Variants in PDGFD observed in about 807,000 individuals in gnomAD.
PDGFD encodes platelet-derived growth factor D.
In PDGFD, 30 loss-of-function variants were observed where a neutral mutation model predicts 44.7. The ratio of observed to expected loss-of-function variants is 0.67; its 90% CI spans 0.50 to 0.91. The LOEUF is 0.91. Among genes scored for constraint, PDGFD ranks in the 40% least tolerant of loss-of-function variants. The probability of loss-of-function intolerance (pLI) is 0.00; values close to 1 mark genes in which losing one functional copy is unlikely to be tolerated. For missense variants in PDGFD, 445 were observed against 457.8 expected (o/e 0.97, Z 0.25); for synonymous variants, 173 against 168.4 (o/e 1.03, Z -0.21).
chr11:104,079,935 A>G (rs1861020008), intron 1 of PDGFD, among the ~76,000 whole-genome samples: 1 of 152,252 alleles, frequency 6.6e-6, no homozygotes, highest in African/African-American at 2.4e-5. Context: ...ATAAATTTAT[A>G]CGTTTTGTAC....
intron 1 of PDGFD, among the ~76,000 whole-genome samples, chr11:104,050,439 G>A (rs778344021): frequency 2.9e-4 from 44 of 152,276 alleles, no homozygotes; most frequent in East Asian, 1.9e-3. Flanking sequence ...CCGAGGGCCC[G>A]CTTGAGATTC....
chr11:104,155,357 C>T (rs1009197396), intron 1 of PDGFD, among the ~76,000 whole-genome samples: 4 of 152,020 alleles, frequency 2.6e-5, no homozygotes, highest in East Asian at 3.9e-4. Context: ...CGGCAATATA[C>T]GGAGACAGAT....
At chr11:104,158,761 G>A (rs1027932883) in intron 1 of PDGFD, among the ~76,000 whole-genome samples, 2 of 151,502 alleles carry the variant, frequency 1.3e-5, no homozygotes, top group African/African-American at 4.9e-5. Context: ...TGAACCGGGA[G>A]GTGGAGCTTT....
chr11:104,159,250 G>T (rs1862355302), intron 1 of PDGFD, among the ~76,000 whole-genome samples: 1 of 151,434 alleles, frequency 6.6e-6, no homozygotes, highest in Admixed American at 6.6e-5. Flanking sequence ...AGAGAGCCTT[G>T]AAAGAGGCTA....
At chr11:104,016,208 G>T (rs909771708) in intron 1 of PDGFD, among the ~76,000 whole-genome samples, 1 of 152,134 alleles carries the variant, frequency 6.6e-6, no homozygotes, top group African/African-American at 2.4e-5. Context: ...GATACTTTCA[G>T]GTTTGATTAA....
intron 1 of PDGFD, among the ~76,000 whole-genome samples, chr11:104,030,295 T>C (rs76372799): frequency 0.033 from 4,962 of 152,270 alleles, 294 homozygotes; most frequent in African/African-American, 0.11. Context: ...ATAAATAATT[T>C]TGGAGATCCC....
chr11:104,016,116 T>A (rs1377713680), intron 1 of PDGFD, among the ~76,000 whole-genome samples: 1 of 152,204 alleles, frequency 6.6e-6, no homozygotes, highest in African/African-American at 2.4e-5. Flanking sequence ...TAATTTTGGC[T>A]GCAAATTTTA....
intron 1 of PDGFD, among the ~76,000 whole-genome samples, chr11:104,085,775 T>C (rs1024920254): frequency 2.0e-5 from 3 of 152,158 alleles, no homozygotes; most frequent in African/African-American, 7.2e-5. Context: ...CTGCATTCAA[T>C]GTGTTGGGAT....
intron 3 of PDGFD, among the ~76,000 whole-genome samples, chr11:103,969,620 T>C (rs1859074544): frequency 6.6e-6 from 1 of 151,844 alleles, no homozygotes; most frequent in South Asian, 2.1e-4. Flanking sequence ...TCCTGTGATA[T>C]GTTAGAGCTA....
At chr11:103,938,735 G>A (rs1858533492) in intron 5 of PDGFD, among the ~76,000 whole-genome samples, 1 of 152,156 alleles carries the variant, frequency 6.6e-6, no homozygotes, top group South Asian at 2.1e-4. Context: ...TTTTGTATAA[G>A]GTGTAAGGAA....
intron 1 of PDGFD, among the ~76,000 whole-genome samples, chr11:104,072,679 C>T (rs1565326970): frequency 6.6e-6 from 1 of 151,828 alleles, no homozygotes; most frequent in Non-Finnish European, 1.5e-5. Flanking sequence ...AGTATTTCCC[C>T]ATTAAGTAAA....
chr11:103,994,256 C>CA (rs1353515559), intron 3 of PDGFD, among the ~76,000 whole-genome samples: 1 of 152,116 alleles, frequency 6.6e-6, no homozygotes, highest in Non-Finnish European at 1.5e-5. Flanking sequence ...TATTTTAAGG[C>CA]AAAAAATAAT....
At chr11:104,122,236 T>C (rs897133522) in intron 1 of PDGFD, among the ~76,000 whole-genome samples, 68 of 152,030 alleles carry the variant, frequency 4.5e-4, no homozygotes, top group African/African-American at 1.5e-3. Context: ...GCCAGACATA[T>C]CTAACATGAA....
intron 1 of PDGFD, among the ~76,000 whole-genome samples, chr11:104,052,977 TC>T (rs1860564572): frequency 6.6e-6 from 1 of 152,238 alleles, no homozygotes; most frequent in African/African-American, 2.4e-5. Context: ...AGTAGTTTTT[TC>T]AGTAGAATAT....
At chr11:103,923,704 G>A (rs1858260991) in intron 6 of PDGFD, among the ~76,000 whole-genome samples, 1 of 152,200 alleles carries the variant, frequency 6.6e-6, no homozygotes, top group South Asian at 2.1e-4. Flanking sequence ...CAGGGCACTT[G>A]ACAGTGATAA....
At chr11:103,928,845 A>G (rs550219028) in intron 5 of PDGFD, among the ~76,000 whole-genome samples, 37 of 152,360 alleles carry the variant, frequency 2.4e-4, no homozygotes, top group Non-Finnish European at 5.9e-5. Flanking sequence ...AAAGGATTAC[A>G]TAAATGGATT....
At chr11:103,967,570 T>G (rs1266727785) in intron 3 of PDGFD, among the ~76,000 whole-genome samples, 1 of 152,196 alleles carries the variant, frequency 6.6e-6, no homozygotes, top group Non-Finnish European at 1.5e-5. Flanking sequence ...TCTATTGATC[T>G]TAGAGGCCCC....
At chr11:104,037,488 C>T (rs1591133222) in intron 1 of PDGFD, 1 of 1,614,120 alleles carries the variant, frequency 6.2e-7, no homozygotes, top group Non-Finnish European at 8.5e-7. Flanking sequence ...GGCAGCAAAA[C>T]ATTGAAGAAA....
intron 1 of PDGFD, among the ~76,000 whole-genome samples, chr11:104,057,630 G>A (rs989586523): frequency 8.5e-5 from 13 of 152,084 alleles, no homozygotes; most frequent in African/African-American, 2.9e-4. Context: ...GCATCATGCA[G>A]TACACCCAGG....
Sources: gnomAD v4.1 joint callset for allele counts (sites outside exome capture counted in the v4.1 genomes callset) on GRCh38, gnomAD v4.1.1 for gene constraint, MANE v1.5 for transcripts, NCBI Gene and HGNC (gene_info 2026-07-23, HGNC 2026-07-21) for gene names.